ARHGAP23: variants seen among roughly 807,000 people sequenced by gnomAD.
ARHGAP23 encodes rho GTPase-activating protein 23.
ARHGAP23 carries 34 observed loss-of-function variants against 136.3 expected under a neutral mutation model. That is an observed-to-expected ratio of 0.25 (90% CI 0.19 to 0.33). The LOEUF (loss-of-function observed/expected upper bound fraction) is 0.33. Among genes scored for constraint, ARHGAP23 ranks in the 10% least tolerant of loss-of-function variants. The probability of loss-of-function intolerance (pLI) is 1.00; values close to 1 mark genes in which losing one functional copy is unlikely to be tolerated. For missense variants in ARHGAP23, 1,808 were observed against 2,139.0 expected (o/e 0.85, Z 3.05); for synonymous variants, 832 against 920.5 (o/e 0.90, Z 1.74).
Position 38,469,279 on chromosome 17 carries a change from G to T in ARHGAP23, c.1784G>T (p.Arg595Leu). 6.4e-7 allele frequency: 1 copy of T among 1,551,166 alleles called. No homozygotes were observed. Among genetic ancestry groups the T allele is most frequent in the Non-Finnish European group, 8.7e-7 (1 of 1,146,658 alleles). ...SSPTFTFTLG[R>L]HYSQDCSSIK... The stretch of plus-strand genomic sequence containing the variant: ...CCGACCTTCACTTTCACCCTCGGAC[G>T]CCATTACTCGCAGGACTGCAGTGAG... The change falls in exon 8 of 24, where the codon CGC (arginine) becomes CTC (leucine). Residue 595 changes from arginine (R) to leucine (L), a missense_variant. Transcript: ENST00000622683.
At chr17:38,474,641 T>C (rs1379274239) in intron 11 of ARHGAP23, among the ~76,000 whole-genome samples, 1 of 151,988 alleles carries the variant, frequency 6.6e-6, no homozygotes, top group Non-Finnish European at 1.5e-5. Flanking sequence ...GGCGTGGCAC[T>C]AGAGGGAGGC....
intron 1 of ARHGAP23, among the ~76,000 whole-genome samples, chr17:38,447,437 G>GGAAAAAAAAAAA (rs2039058824): frequency 2.0e-4 from 5 of 25,636 alleles, no homozygotes; most frequent in Non-Finnish European, 3.6e-4. Flanking sequence ...GACTCCGTCT[G>GGAAAAAAAAAAA]AAAAAAAAAA....
rs932385278 is a variant in ARHGAP23, at chr17:38,512,145, G to A, written c.*1173G>A. 6.6e-6 allele frequency: 1 copy of A among 152,054 alleles called. No homozygotes were observed. The highest frequency in any genetic ancestry group is 1.5e-5 in the Non-Finnish European group (1 of 68,018). 9.4% of individuals were successfully genotyped at this position (152,054 alleles called of 1,614,324 possible). The stretch of plus-strand genomic sequence containing the variant: ...TCCCTCCCTCCCCCATTCTTTTATT[G>A]TAAATATTGTCTCTAAATGTGTAAC... On this transcript the variant is annotated 3_prime_UTR_variant, in exon 24 of 24. Transcript: ENST00000622683.
At chr17:38,507,576 T>G (rs1212546285) in intron 23 of ARHGAP23, among the ~76,000 whole-genome samples, 2 of 152,196 alleles carry the variant, frequency 1.3e-5, no homozygotes, top group Non-Finnish European at 2.9e-5. Flanking sequence ...TCTGACCTCG[T>G]TGCTTCTGGA....
chr17:38,439,613 G>A (rs1231235515), intron 1 of ARHGAP23, among the ~76,000 whole-genome samples: 8 of 152,128 alleles, frequency 5.3e-5, no homozygotes, highest in Admixed American at 3.3e-4. Context: ...TACACACACC[G>A]TCTCTTTAAT....
chr17:38,449,650 C>A (rs12165044), intron 1 of ARHGAP23, among the ~76,000 whole-genome samples: 2 of 152,066 alleles, frequency 1.3e-5, no homozygotes, highest in East Asian at 3.9e-4. Context: ...CTGGGATGCA[C>A]GGATCTGTGG....
chr17:38,502,890 C>CA (rs1486093151), intron 23 of ARHGAP23, among the ~76,000 whole-genome samples: 1 of 151,898 alleles, frequency 6.6e-6, no homozygotes, highest in African/African-American at 2.4e-5. Context: ...ACAAAAAATG[C>CA]AAAAATTAAC....
At chr17:38,458,054 A>T in intron 1 of ARHGAP23, 48 bp from the exon 2 acceptor site, 1 of 1,532,868 alleles carries the variant, frequency 6.5e-7, no homozygotes, top group South Asian at 1.2e-5. Context: ...AAACAGCCAG[A>T]AGTGTCAGCC....
intron 1 of ARHGAP23, among the ~76,000 whole-genome samples, chr17:38,430,210 TCA>T (rs1338175344): frequency 6.6e-6 from 1 of 152,058 alleles, no homozygotes; most frequent in African/African-American, 2.4e-5. Flanking sequence ...GTGTCCCATT[TCA>T]CAGAGAGGGT....
At chr17:38,454,214 C>A in intron 1 of ARHGAP23, 1 of 153,048 alleles carries the variant, frequency 6.5e-6, no homozygotes, top group South Asian at 1.8e-4. Flanking sequence ...GTCACCAACT[C>A]CCTGCGGCCT....
chr17:38,478,709 G>A (rs1438444926), intron 12 of ARHGAP23, among the ~76,000 whole-genome samples: 3 of 152,082 alleles, frequency 2.0e-5, no homozygotes, highest in Admixed American at 6.5e-5. Context: ...GTGCCCAGCC[G>A]AAGAATTTTT....
intron 15 of ARHGAP23, 109 bp downstream of exon 15, chr17:38,482,252 C>A (rs936711504): frequency 4.7e-6 from 7 of 1,492,502 alleles, no homozygotes; most frequent in Non-Finnish European, 6.2e-6. Context: ...TGTACAAACA[C>A]AGCTGGGAAA....
chr17:38,432,399 G>A (rs545818096), intron 1 of ARHGAP23, among the ~76,000 whole-genome samples: 16 of 152,240 alleles, frequency 1.1e-4, no homozygotes, highest in Admixed American at 2.0e-4. Flanking sequence ...ATTAGCTGGG[G>A]CCAGGAGCAG....
intron 1 of ARHGAP23, among the ~76,000 whole-genome samples, chr17:38,454,689 G>A (rs1413043067): frequency 6.6e-6 from 1 of 152,186 alleles, no homozygotes; most frequent in East Asian, 1.9e-4. Flanking sequence ...TGTTTCTGAT[G>A]TCCGGGATGG....
At chr17:38,441,902 C>T (rs1199473468) in intron 1 of ARHGAP23, among the ~76,000 whole-genome samples, 1 of 152,102 alleles carries the variant, frequency 6.6e-6, no homozygotes, top group Non-Finnish European at 1.5e-5. Flanking sequence ...GGGGTGAGGG[C>T]ACAGAGATGC....
intron 11 of ARHGAP23, among the ~76,000 whole-genome samples, chr17:38,475,379 C>T (rs1263565770): frequency 6.6e-6 from 1 of 152,234 alleles, no homozygotes; most frequent in Non-Finnish European, 1.5e-5. Context: ...TCTGGTTTAG[C>T]CTCAGAGAGG....
intron 2 of ARHGAP23, among the ~76,000 whole-genome samples, chr17:38,458,933 G>A (rs2039394930): frequency 6.6e-6 from 1 of 152,132 alleles, no homozygotes. Flanking sequence ...CTGCCCTAAT[G>A]TAAACGTTGT....
chr17:38,511,388 C>A lies in ARHGAP23; in HGVS notation c.*416C>A, dbSNP rs998980056. 3.9e-5 allele frequency: 7 copies of A among 177,498 alleles called. No homozygotes were observed. The highest frequency in any genetic ancestry group is 1.7e-4 in the African/African-American group (7 of 42,416). The allele number at this position is 177,498 out of a possible 1,614,324, so 11.0% of individuals were successfully genotyped here. ...CTTTTTGCTTCTTTCTTCTGCCCTC[C>A]CACCTCAGCTTGTAAGCGGGGATGT... is the stretch of plus-strand genomic sequence containing the variant. On this transcript the variant is annotated 3_prime_UTR_variant, in exon 24 of 24. Transcript: ENST00000622683.
chr17:38,474,946 C>T (rs888697808), intron 11 of ARHGAP23, among the ~76,000 whole-genome samples: 1 of 152,190 alleles, frequency 6.6e-6, no homozygotes, highest in Non-Finnish European at 1.5e-5. Context: ...CTGGCTCCCC[C>T]TGCCGGGGAG....
Sources: gnomAD v4.1 joint callset for allele counts (sites outside exome capture counted in the v4.1 genomes callset) on GRCh38, gnomAD v4.1.1 for gene constraint, MANE v1.5 for transcripts, NCBI Gene and HGNC (gene_info 2026-07-23, HGNC 2026-07-21) for gene names.